Variants in FCRL3 observed in about 807,000 individuals in gnomAD.
The protein encoded by FCRL3 is Fc receptor like 3.
A neutral mutation model predicts 75.0 loss-of-function variants in FCRL3; 89 were observed. That is an observed-to-expected ratio of 1.19 (90% CI 1.00 to 1.42). The LOEUF (loss-of-function observed/expected upper bound fraction) is 1.42. Ranked by LOEUF, FCRL3 falls within the 40% of genes most tolerant of loss-of-function variation. The probability of loss-of-function intolerance (pLI) is 0.00; values close to 1 mark genes in which losing one functional copy is unlikely to be tolerated. For missense variants in FCRL3, 946 were observed against 880.0 expected (o/e 1.07, Z -0.95); for synonymous variants, 376 against 348.5 (o/e 1.08, Z -0.88).
intron 6 of FCRL3, chr1:157,696,679 A>G: frequency 3.4e-6 from 1 of 289,904 alleles, no homozygotes; most frequent in Non-Finnish European, 6.4e-6. Flanking sequence ...ATCAAAATAG[A>G]ATCCAAACCC....
chr1:157,685,718 A>G (rs992810822), intron 10 of FCRL3, among the ~76,000 whole-genome samples: 2 of 152,152 alleles, frequency 1.3e-5, no homozygotes, highest in African/African-American at 4.8e-5. Flanking sequence ...GCAGATATCA[A>G]TAAATTTTTT....
At chr1:157,698,261 A>C in intron 4 of FCRL3, 123 bp downstream of exon 4, 1 of 1,168,974 alleles carries the variant, frequency 8.6e-7, no homozygotes, top group Non-Finnish European at 1.2e-6. Context: ...TATTTTCCCC[A>C]CTGGGGTCAG....
In FCRL3 at chr1:157,695,366, C is replaced by T. The variant is rs1349427465; in HGVS notation, c.1374G>A (p.Gly458=). 1.9e-6 allele frequency: 3 copies of T among 1,614,158 alleles called. No homozygotes were observed. Among genetic ancestry groups the T allele is most frequent in the Non-Finnish European group, 2.5e-6 (3 of 1,180,004 alleles). The change falls in exon 8 of 15, where the codon GGG becomes GGA. Residue 458 remains glycine (G), a synonymous_variant. Coordinates refer to ENST00000368184, the MANE Select transcript of FCRL3 (RefSeq NM_052939.4). Reference sequence around the variant, plus strand: ...GACTCACTCCATGACTGTGCTGGGCCCCCAGGCCATTGTCTGCATCACAGG... The same window carrying T: ...GACTCACTCCATGACTGTGCTGGGCTCCCAGGCCATTGTCTGCATCACAGG... ...NYSCDADNGL[G]AQHSHGVSLR...
At chr1:157,680,627 C>G (rs1654775275) in intron 13 of FCRL3, 75 bp downstream of exon 13, 1 of 1,273,382 alleles carries the variant, frequency 7.9e-7, no homozygotes. Flanking sequence ...TTTGAAATAA[C>G]TCTGATCAAA....
chr1:157,700,394 T>C (rs1029934527), intron 2 of FCRL3, 65 bp downstream of exon 2: 3 of 1,611,944 alleles, frequency 1.9e-6, no homozygotes, highest in Non-Finnish European at 2.5e-6. Context: ...TAGAAGCTCC[T>C]TGAGTTTTTC....
In FCRL3 at chr1:157,696,096, G is replaced by A. The variant is rs753037286; in HGVS notation, c.1076C>T (p.Ala359Val). 1.4e-5 allele frequency: 23 copies of A among 1,613,538 alleles called. No homozygotes were observed. In the South Asian group the frequency reaches 1.9e-4, roughly 13 times the overall value. The change falls in exon 7 of 15, where the codon GCA becomes GTA. Residue 359 changes from alanine (A) to valine (V), a missense_variant. Physicochemically the swap from Ala to Val is moderately conservative, Grantham distance 64. Transcript: ENST00000368184. ...GATGGGGCTGTGAACGTTATCAGCT[G>A]CACAGTAGTATCTCCCTGCATCACT... The part of the protein sequence containing the change: ...KESDAGRYYC[A>V]ADNVHSPILS...
chr1:157,680,408 C>G (rs1306456508), intron 13 of FCRL3, among the ~76,000 whole-genome samples: 1 of 152,212 alleles, frequency 6.6e-6, no homozygotes, highest in East Asian at 1.9e-4. Context: ...TTTGATTATT[C>G]ACTCATTAAT....
chr1:157,684,239 G>A (rs779393294), intron 10 of FCRL3, among the ~76,000 whole-genome samples: 9 of 152,158 alleles, frequency 5.9e-5, no homozygotes, highest in Non-Finnish European at 1.3e-4. Flanking sequence ...CCCAATACAA[G>A]CCTTATCCAG....
Position 157,677,245 on chromosome 1 carries a change from G to A in FCRL3, c.*1465C>T. 2.0e-6 allele frequency: 2 copies of A among 1,002,646 alleles called. No homozygotes were observed. The highest frequency in any genetic ancestry group is 3.4e-5 in the African/African-American group (2 of 58,134). The allele number at this position is 1,002,646 out of a possible 1,614,324, so 62.1% of individuals were successfully genotyped here. On this transcript the variant is annotated 3_prime_UTR_variant, in exon 15 of 15. Transcript: ENST00000368184. The stretch of plus-strand genomic sequence containing the variant: ...GTGAAACTCAGCTTCCATAGTGATG[G>A]AACCTAAGGGTAGCAGAGTTTATGG...
rs981859210 is a variant in FCRL3, at chr1:157,677,431, G to A, written c.*1279C>T. On this transcript the variant is annotated 3_prime_UTR_variant, in exon 15 of 15. Coordinates refer to ENST00000368184, the MANE Select transcript of FCRL3 (RefSeq NM_052939.4). ...GAAGGCCTAGAATTGGCAACATTCA[G>A]AGATTAATGTTAATATAATCTCAGT... 2 of 985,402 alleles carry A rather than the reference G, an allele frequency of 2.0e-6. No individual in the cohort carries two copies. The highest frequency in any genetic ancestry group is 3.5e-5 in the African/African-American group (2 of 57,244). The allele number at this position is 985,402 out of a possible 1,614,324, so 61.0% of individuals were successfully genotyped here. A position where few individuals can be genotyped will look rare whatever the true frequency, so the allele number is the denominator to read the frequency against.
rs146382073 is a variant in FCRL3, at chr1:157,696,162, C to G, written c.1010G>C (p.Arg337Pro). ...AACATGCAGCTCTGCCAACAGGGAA[C>G]GCTGGGTCTTTCTACCCAGGCTTCT... ...RVRSLGRKTQ[R>P]SLLAELHVLT... Residue 337 changes from arginine (R) to proline (P), a missense_variant, in exon 7 of 15, where the codon CGT becomes CCT. Arg to Pro is a moderately radical substitution (Grantham distance 103). Coordinates refer to ENST00000368184, the MANE Select transcript of FCRL3 (RefSeq NM_052939.4). 9 of 1,613,904 alleles carry G rather than the reference C, an allele frequency of 5.6e-6. No individual in the cohort carries two copies. In the Admixed American group the frequency reaches 1.5e-4, roughly 27 times the overall value.
At position 157,697,660 on chromosome 1, in the gene FCRL3, T is replaced by C. The variant is rs1388374621; in HGVS notation, c.558A>G (p.Gln186=). The change falls in exon 5 of 15, where the codon CAA becomes CAG. Residue 186 remains glutamine (Q), a splice_region_variant and synonymous_variant. Coordinates refer to ENST00000368184, the MANE Select transcript of FCRL3 (RefSeq NM_052939.4). Reference sequence around the variant, plus strand: ...AATCCACAGGAATCTAGCCATTACCTTGAACTTGGATATTTAGGGGTTTTG... The same window carrying C: ...AATCCACAGGAATCTAGCCATTACCCTGAACTTGGATATTTAGGGGTTTTG... The part of the protein sequence containing the change: ...VTSKPLNIQV[Q]ELFLHPVLRA... 5.0e-6 allele frequency: 8 copies of C among 1,612,454 alleles called. No individual in the cohort carries two copies. The highest frequency in any genetic ancestry group is 5.9e-6 in the Non-Finnish European group (7 of 1,179,354).
In FCRL3 at chr1:157,696,333, G is replaced by A. The variant is rs1189487462; in HGVS notation, c.845-6C>T. Reference sequence around the variant, plus strand: ...CACATTAGACACAGGGACTCCTGGGGGAACACAAGATGGCATGTGAAGGTC... The same window carrying A: ...CACATTAGACACAGGGACTCCTGGGAGAACACAAGATGGCATGTGAAGGTC... On this transcript the variant is annotated splice_region_variant and splice_polypyrimidine_tract_variant and intron_variant, in intron 6 of 14. Transcript: ENST00000368184. 3 of 1,613,386 alleles carry A rather than the reference G, an allele frequency of 1.9e-6. No homozygotes were observed. The highest frequency in any genetic ancestry group is 1.1e-5 in the South Asian group (1 of 91,066).
rs766841094 is a variant in FCRL3 at position 157,698,434 on chromosome 1, TTACATTGG to T, written c.240_247del (p.Tyr80Ter). 58 of 1,614,132 alleles carry T rather than the reference TTACATTGG, an allele frequency of 3.6e-5. No individual in the cohort carries two copies. Among genetic ancestry groups the T allele is most frequent in the Non-Finnish European group, 4.9e-5 (58 of 1,180,042 alleles). On this transcript the variant is annotated stop_gained and frameshift_variant, in exon 4 of 15. Coordinates refer to ENST00000368184, the MANE Select transcript of FCRL3 (RefSeq NM_052939.4). LOFTEE classifies it high-confidence loss of function. ...ATCACTGAGGGAGGATCCTCGGGTCTTACATTGGTAATTTCCAGGCTCTGTAATTTGGA... is the reference window on the plus strand; with the variant it reads ...ATCACTGAGGGAGGATCCTCGGGTCTTAATTTCCAGGCTCTGTAATTTGGA...
intron 10 of FCRL3, among the ~76,000 whole-genome samples, chr1:157,689,352 A>G (rs1387760093): frequency 2.0e-5 from 3 of 152,246 alleles, no homozygotes; most frequent in Non-Finnish European, 4.4e-5. Flanking sequence ...TTGTGTTTCT[A>G]TACACTAGCA....
chr1:157,699,622 A>C lies in FCRL3; in HGVS notation c.52+70T>G, dbSNP rs2101629030. ...GATGGGATGCGTGCCTGCAAGGGTT[A>C]GGGCAGGCTGTGTGGGCTGAGGGGA... On this transcript the variant is annotated intron_variant, in intron 3 of 14. Coordinates refer to ENST00000368184, the MANE Select transcript of FCRL3 (RefSeq NM_052939.4). 3.3e-6 allele frequency: 5 copies of C among 1,534,114 alleles called. No individual in the cohort carries two copies. In the East Asian group the frequency reaches 1.1e-4, roughly 35 times the overall value.
intron 10 of FCRL3, 45 bp downstream of exon 10, chr1:157,689,753 T>A: frequency 6.2e-7 from 1 of 1,611,442 alleles, no homozygotes; most frequent in South Asian, 1.1e-5. Context: ...CAAATTATTA[T>A]AGCAACGGCA....
rs1170256883 is a variant in FCRL3, at chr1:157,676,915, A to G, written c.*1795T>C. 4.2e-6 allele frequency: 6 copies of G among 1,437,174 alleles called. No homozygotes were observed. The South Asian group carries it at 6.0e-5, about 14-fold the overall frequency. The allele number at this position is 1,437,174 out of a possible 1,614,324, so 89.0% of individuals were successfully genotyped here. ...CTCCATATACAGCCTGGTGGTTGGT[A>G]CCCAAAACCGGTTTACATATTTTCA... On this transcript the variant is annotated 3_prime_UTR_variant, in exon 15 of 15. Transcript: ENST00000368184.
chr1:157,687,170 A>G (rs1655225606), intron 10 of FCRL3, among the ~76,000 whole-genome samples: 1 of 151,788 alleles, frequency 6.6e-6, no homozygotes, highest in Non-Finnish European at 1.5e-5. Context: ...GCAAGCAGCC[A>G]ACAAACATAA....
Sources: gnomAD v4.1 joint callset for allele counts (sites outside exome capture counted in the v4.1 genomes callset) on GRCh38, gnomAD v4.1.1 for gene constraint, MANE v1.5 for transcripts, NCBI Gene and HGNC (gene_info 2026-07-23, HGNC 2026-07-21) for gene names.